Variants in TEC observed in about 807,000 individuals in gnomAD.
The protein encoded by TEC is tyrosine-protein kinase Tec.
A neutral mutation model predicts 93.0 loss-of-function variants in TEC; 72 were observed. That is an observed-to-expected ratio of 0.77 (90% CI 0.64 to 0.94). The LOEUF (loss-of-function observed/expected upper bound fraction) is 0.94. TEC is among the 40% of genes least tolerant of loss of function. The probability of loss-of-function intolerance (pLI) is 0.00; values close to 1 mark genes in which losing one functional copy is unlikely to be tolerated. For synonymous variants in TEC, 249 were observed against 247.7 expected (o/e 1.01, Z -0.05); for missense variants, 630 against 757.9 (o/e 0.83, Z 1.98).
At chr4:48,268,035 C>T (rs1276916572) in intron 1 of TEC, among the ~76,000 whole-genome samples, 1 of 152,226 alleles carries the variant, frequency 6.6e-6, no homozygotes. Context: ...GCTCACAACC[C>T]TTCCAACCTC....
intron 1 of TEC, among the ~76,000 whole-genome samples, chr4:48,241,453 A>G (rs1723920429): frequency 6.6e-6 from 1 of 152,182 alleles, no homozygotes; most frequent in African/African-American, 2.4e-5. Flanking sequence ...CTGCAAGGAG[A>G]GAAATCACAT....
At chr4:48,230,194 A>G (rs1428318767) in intron 1 of TEC, among the ~76,000 whole-genome samples, 2 of 152,174 alleles carry the variant, frequency 1.3e-5, no homozygotes, top group Non-Finnish European at 2.9e-5. Flanking sequence ...GTGACTGGAC[A>G]CGGTTAGCCA....
intron 8 of TEC, among the ~76,000 whole-genome samples, chr4:48,162,040 A>G (rs1387180985): frequency 6.6e-6 from 1 of 152,176 alleles, no homozygotes; most frequent in Non-Finnish European, 1.5e-5. Flanking sequence ...TCCCTTTTAT[A>G]TATACATCTA....
At chr4:48,260,460 T>C (rs1724471798) in intron 1 of TEC, among the ~76,000 whole-genome samples, 1 of 152,292 alleles carries the variant, frequency 6.6e-6, no homozygotes, top group South Asian at 2.1e-4. Context: ...GTCATATGCA[T>C]CTGCAATCCT....
intron 2 of TEC, among the ~76,000 whole-genome samples, chr4:48,215,727 C>T (rs1723056368): frequency 6.6e-6 from 1 of 152,084 alleles, no homozygotes; most frequent in Non-Finnish European, 1.5e-5. Context: ...GCAAAGGAGT[C>T]TGAATAGTCA....
At chr4:48,246,491 G>A (rs553298234) in intron 1 of TEC, among the ~76,000 whole-genome samples, 1 of 150,544 alleles carries the variant, frequency 6.6e-6, no homozygotes, top group East Asian at 1.9e-4. Flanking sequence ...AACAAAATTG[G>A]AGGACTCACA....
chr4:48,177,763 T>C (rs138121515), intron 2 of TEC, among the ~76,000 whole-genome samples: 2 of 152,272 alleles, frequency 1.3e-5, no homozygotes, highest in African/African-American at 4.8e-5. Flanking sequence ...TGGGAGGTGA[T>C]TGGATCATGG....
intron 2 of TEC, among the ~76,000 whole-genome samples, chr4:48,197,310 A>G (rs1318226560): frequency 6.6e-6 from 1 of 152,140 alleles, no homozygotes; most frequent in Non-Finnish European, 1.5e-5. Context: ...AAAGTACTCA[A>G]CCTCTCTGTT....
intron 2 of TEC, among the ~76,000 whole-genome samples, chr4:48,187,581 CCT>C (rs1721933930): frequency 6.6e-6 from 1 of 152,134 alleles, no homozygotes; most frequent in African/African-American, 2.4e-5. Flanking sequence ...GTTTTCTCCC[CCT>C]AAGTGATCTT....
chr4:48,230,777 C>T (rs568021783), intron 1 of TEC, among the ~76,000 whole-genome samples: 16 of 152,318 alleles, frequency 1.1e-4, no homozygotes, highest in Admixed American at 4.6e-4. Flanking sequence ...TCCAAATCTC[C>T]GGAGATTCCC....
chr4:48,228,494 A>C lies in TEC; in HGVS notation c.121T>G (p.Tyr41Asp). Residue 41 changes from tyrosine to aspartate, a missense_variant, in exon 2 of 18, where the codon TAT becomes GAT. By Grantham distance (160) the Tyr-to-Asp change is radical. Coordinates refer to ENST00000381501, the MANE Select transcript of TEC (RefSeq NM_003215.3). ...TCTCTTACCTCTGCTCGACCCTCAT[A>C]GTAGGTTAGCATGGACTTTGTAAGT... ...FVLTKSMLTY[Y>D]EGRAEKKYRK... 1 of 1,609,036 alleles carries C rather than the reference A, an allele frequency of 6.2e-7. No homozygotes were observed. Among genetic ancestry groups the C allele is most frequent in the Middle Eastern group, 2.0e-4 (1 of 5,000 alleles).
chr4:48,234,836 GAGA>G (rs954428918), intron 1 of TEC, among the ~76,000 whole-genome samples: 2 of 152,092 alleles, frequency 1.3e-5, no homozygotes, highest in Admixed American at 6.5e-5. Flanking sequence ...GGTAGCAGAG[GAGA>G]AGAAGGAGGA....
intron 17 of TEC, among the ~76,000 whole-genome samples, chr4:48,138,218 A>G (rs2109498456): frequency 6.6e-6 from 1 of 152,348 alleles, no homozygotes; most frequent in East Asian, 1.9e-4. Context: ...AGCTAATGTT[A>G]CTGTCTTTCA....
At chr4:48,166,243 T>C (rs1356723040) in intron 7 of TEC, among the ~76,000 whole-genome samples, 1 of 65,538 alleles carries the variant, frequency 1.5e-5, no homozygotes, top group Non-Finnish European at 3.8e-5. Flanking sequence ...AGAAGAGAGG[T>C]AGCCCCCCCA....
At chr4:48,253,307 T>G (rs1226324311) in intron 1 of TEC, among the ~76,000 whole-genome samples, 1 of 152,164 alleles carries the variant, frequency 6.6e-6, no homozygotes, top group Non-Finnish European at 1.5e-5. Flanking sequence ...TCTCCCTGCT[T>G]CCACATAACT....
chr4:48,257,190 T>C (rs1485129822), intron 1 of TEC, among the ~76,000 whole-genome samples: 1 of 152,224 alleles, frequency 6.6e-6, no homozygotes, highest in African/African-American at 2.4e-5. Flanking sequence ...TTTTTATATA[T>C]GGCTTACATG....
chr4:48,265,513 A>AT (rs1354715415), intron 1 of TEC, among the ~76,000 whole-genome samples: 5 of 89,850 alleles, frequency 5.6e-5, no homozygotes, highest in African/African-American at 1.3e-4. Context: ...ATATATATAT[A>AT]TATTTTTTTT....
chr4:48,160,282 TGA>T (rs1720573167), intron 8 of TEC, among the ~76,000 whole-genome samples: 2 of 152,154 alleles, frequency 1.3e-5, no homozygotes, highest in Non-Finnish European at 2.9e-5. Flanking sequence ...ATGAGAAAAC[TGA>T]TTCTAAGAGG....
intron 2 of TEC, among the ~76,000 whole-genome samples, chr4:48,179,609 A>C (rs1721506551): frequency 6.6e-6 from 1 of 151,494 alleles, no homozygotes; most frequent in Non-Finnish European, 1.5e-5. Flanking sequence ...GGCTGGTCTC[A>C]AACTCCTGAC....
Sources: allele counts gnomAD v4.1 joint callset (sites outside exome capture counted in the v4.1 genomes callset), GRCh38; gene constraint gnomAD v4.1.1; transcripts MANE v1.5; gene names NCBI Gene and HGNC (gene_info 2026-07-23, HGNC 2026-07-21).